The following MLLT10 variants were observed in gnomAD, a reference collection of about 807,000 sequenced individuals.
MLLT10 encodes the protein MLLT10 histone lysine methyltransferase DOT1L cofactor, also known as protein AF-10.
In MLLT10, 30 loss-of-function variants were observed where a neutral mutation model predicts 129.1. The ratio of observed to expected loss-of-function variants is 0.23; its 90% confidence interval spans 0.17 to 0.32. The LOEUF (loss-of-function observed/expected upper bound fraction) is 0.32. MLLT10 is among the 10% of genes least tolerant of loss of function. The pLI, the probability that MLLT10 is intolerant of heterozygous loss-of-function variation, is 1.00. For missense variants in MLLT10, 1,119 were observed against 1,268.3 expected (o/e 0.88, Z 1.79); for synonymous variants, 490 against 446.4 (o/e 1.10, Z -1.23).
intron 20 of MLLT10, 105 bp from the exon 21 acceptor site, chr10:21,735,034 C>A: frequency 1.3e-6 from 1 of 770,298 alleles, no homozygotes; most frequent in Non-Finnish European, 2.2e-6. Context: ...CAGAATTGTA[C>A]TTAAGTTATT....
At chr10:21,676,199 G>A (rs2052077327) in intron 11 of MLLT10, among the ~76,000 whole-genome samples, 1 of 152,062 alleles carries the variant, frequency 6.6e-6, no homozygotes, top group Non-Finnish European at 1.5e-5. Flanking sequence ...GGAGGCTGAG[G>A]TGGGTGGATC....
Position 21,700,991 on chromosome 10 carries a change from CT to C in MLLT10, c.1700-12780del, listed in dbSNP as rs2131470178. On this transcript the variant is annotated intron_variant, in intron 13 of 22. Transcript: ENST00000307729. ...TCTTTGGTTGGGAGACATTTTATTA[CT>C]GATTCAGTCTCATTACTCATTGTTG... Among the ~76,000 whole-genome samples, 2 of 152,264 alleles carry C rather than the reference CT, an allele frequency of 1.3e-5. 1 individual carries two copies. Among genetic ancestry groups the C allele is most frequent in the East Asian group, 3.9e-4 (2 of 5,182 alleles).
chr10:21,734,482 AT>A (rs2058203521), intron 20 of MLLT10, among the ~76,000 whole-genome samples: 1 of 152,206 alleles, frequency 6.6e-6, no homozygotes, highest in African/African-American at 2.4e-5. Flanking sequence ...AATTTATGTA[AT>A]ATTTTTAATG....
At chr10:21,624,966 C>T in intron 8 of MLLT10, 1 of 1,261,062 alleles carries the variant, frequency 7.9e-7, no homozygotes, top group Non-Finnish European at 1.1e-6. Flanking sequence ...TGGTGAAGCA[C>T]CCTGCCCTCC....
intron 7 of MLLT10, among the ~76,000 whole-genome samples, chr10:21,616,590 A>G (rs868719369): frequency 6.6e-6 from 1 of 151,854 alleles, no homozygotes; most frequent in African/African-American, 2.4e-5. Flanking sequence ...TAATTTTTTA[A>G]TTTTTTTCTT....
intron 9 of MLLT10, among the ~76,000 whole-genome samples, chr10:21,667,925 C>T (rs191702671): frequency 1.3e-5 from 2 of 152,052 alleles, no homozygotes; most frequent in East Asian, 3.9e-4. Context: ...AATAGTTGGC[C>T]ATGAAATAAA....
rs1196690923 is a variant in MLLT10 at position 21,670,515 on chromosome 10, C to A, written c.862C>A (p.Arg288=). Residue 288 remains arginine (R), a synonymous_variant, in exon 10 of 23, where the codon CGA becomes AGA. Coordinates refer to ENST00000307729, the MANE Select transcript of MLLT10 (RefSeq NM_001195626.3). ...SLKRLEDTTA[R]FTNANFQEVS... ...GAAGCGCTTGGAAGATACTACTGCACGATTTACAAATGCAAATTTCCAGGA... is the reference window on the plus strand; with the variant it reads ...GAAGCGCTTGGAAGATACTACTGCAAGATTTACAAATGCAAATTTCCAGGA... The A allele has an allele frequency of 6.2e-7, 1 of 1,613,926 alleles. No individual in the cohort carries two copies. The highest frequency in any genetic ancestry group is 1.3e-5 in the African/African-American group (1 of 74,892).
At chr10:21,579,501 C>T (rs1163140346) in intron 3 of MLLT10, among the ~76,000 whole-genome samples, 2 of 150,540 alleles carry the variant, frequency 1.3e-5, no homozygotes, top group Admixed American at 1.3e-4. Context: ...CTGTAGGTCC[C>T]TGAAGCCCTG....
At chr10:21,592,360 T>G (rs1031948659) in intron 4 of MLLT10, among the ~76,000 whole-genome samples, 2 of 152,174 alleles carry the variant, frequency 1.3e-5, no homozygotes, top group African/African-American at 2.4e-5. Context: ...TTTTCTGGCT[T>G]TATTTAGTTA....
intron 3 of MLLT10, among the ~76,000 whole-genome samples, chr10:21,560,768 A>G (rs1361584171): frequency 6.6e-6 from 1 of 152,148 alleles, no homozygotes; most frequent in African/African-American, 2.4e-5. Flanking sequence ...GTTTTTGATG[A>G]TAGCCTTGCT....
rs1239856826 is a variant in MLLT10, at chr10:21,730,946, A to G, written c.2110A>G (p.Ser704Gly). ...LQIRYDQPGN[S>G]SLENLPPVAA... ...GATTCGCTATGATCAACCAGGCAAC[A>G]GCAGTTTGGAAAATCTGCCTCCAGT... Residue 704 changes from serine (S) to glycine (G), a missense_variant, in exon 17 of 23, where the codon AGC (serine) becomes GGC (glycine). Ser to Gly is a moderately conservative substitution (Grantham distance 56, BLOSUM62 0). Around this residue, in one of 5 missense-constraint regions of MLLT10, gnomAD observed 1,004 missense variants for 1,008.7 expected, o/e 1.00. Transcript: ENST00000307729. 6.2e-7 allele frequency: 1 copy of G among 1,614,236 alleles called. No individual in the cohort carries two copies. The highest frequency in any genetic ancestry group is 1.1e-5 in the South Asian group (1 of 91,088).
chr10:21,559,299 G>T (rs1443336080), intron 3 of MLLT10, among the ~76,000 whole-genome samples: 1 of 152,170 alleles, frequency 6.6e-6, no homozygotes, highest in Admixed American at 6.6e-5. Flanking sequence ...GGCCAGGCTG[G>T]TCTCGAACTC....
At chr10:21,626,299 GGGCTGGT>G in intron 8 of MLLT10, 1 of 1,277,740 alleles carries the variant, frequency 7.8e-7, no homozygotes, top group Non-Finnish European at 1.1e-6. Context: ...GGCAGAGCAG[GGGCTGGT>G]GGCTGGGCCC....
intron 13 of MLLT10, among the ~76,000 whole-genome samples, chr10:21,704,199 A>G (rs2055234356): frequency 6.7e-6 from 1 of 148,380 alleles, no homozygotes; most frequent in African/African-American, 2.5e-5. Context: ...TGTAGAGATG[A>G]GGTTTTGCCG....
At chr10:21,545,401 T>C (rs1230893615) in intron 3 of MLLT10, among the ~76,000 whole-genome samples, 2 of 151,842 alleles carry the variant, frequency 1.3e-5, no homozygotes, top group Non-Finnish European at 2.9e-5. Flanking sequence ...ATAGTGACAG[T>C]ACTGCCAGGA....
intron 8 of MLLT10, among the ~76,000 whole-genome samples, chr10:21,647,012 C>T (rs1043627810): frequency 6.6e-6 from 1 of 152,116 alleles, no homozygotes; most frequent in Admixed American, 6.6e-5. Flanking sequence ...CCCGCCACCA[C>T]GCCCGACTAA....
In MLLT10 at chr10:21,593,613, T is replaced by A. The variant is rs1032279131; in HGVS notation, c.296-1718T>A. 1.1e-4 allele frequency among the ~76,000 whole-genome samples: 16 copies of A among 152,056 alleles called. 1 individual carries two copies. Among genetic ancestry groups the A allele is most frequent in the African/African-American group, 3.9e-4 (16 of 41,394 alleles). On this transcript the variant is annotated intron_variant, in intron 4 of 22. Transcript: ENST00000307729. ...TCTGTCATGTGTTTGGTACTTATTG[T>A]GCTGGAAATTATATGTAATGAAGAA...
rs1461228421 is a variant in MLLT10, at chr10:21,652,025, G to T, written c.795+257G>T. ...CTTACCTGGTTCAAGTGATTCTTCT[G>T]CCTCAGACTCCCGAGTAGCTGGGAC... On this transcript the variant is annotated intron_variant, in intron 9 of 22. Coordinates refer to ENST00000307729, the MANE Select transcript of MLLT10 (RefSeq NM_001195626.3). Among the ~76,000 whole-genome samples the T allele has an allele frequency of 2.1e-5, 3 of 143,164 alleles. No homozygotes were observed. The Admixed American group carries it at 2.3e-4, about 11-fold the overall frequency. The allele number at this position is 143,164 out of a possible 152,430, so 93.9% of individuals were successfully genotyped here. A position where few individuals can be genotyped will look rare whatever the true frequency, so the allele number is the denominator to read the frequency against.
chr10:21,644,424 T>C (rs1305335220), intron 8 of MLLT10, among the ~76,000 whole-genome samples: 2 of 152,122 alleles, frequency 1.3e-5, no homozygotes, highest in Non-Finnish European at 2.9e-5. Context: ...TTCTGAAGCC[T>C]GTGGGAATGA....
Sources: gnomAD v4.1 joint callset for allele counts (sites outside exome capture counted in the v4.1 genomes callset) on GRCh38, gnomAD v4.1.1 for gene constraint, gnomAD v4.1.1 regional missense constraint, MANE v1.5 for transcripts, NCBI Gene and HGNC (gene_info 2026-07-23, HGNC 2026-07-21) for gene names.